CACNA1D: variants seen among roughly 807,000 people sequenced by gnomAD.
The protein encoded by CACNA1D is calcium voltage-gated channel subunit alpha1 D.
CACNA1D carries 55 observed loss-of-function variants against 257.1 expected under a neutral mutation model. That is an observed-to-expected ratio of 0.21 (90% confidence interval 0.17 to 0.27). The LOEUF (loss-of-function observed/expected upper bound fraction) is 0.27. Ranked by LOEUF, CACNA1D falls within the 10% of genes least tolerant of loss-of-function variation. The pLI is 1.00. For missense variants in CACNA1D, 1,876 were observed against 2,784.0 expected (o/e 0.67, Z 7.34); for synonymous variants, 980 against 1,014.9 (o/e 0.97, Z 0.65).
intron 3 of CACNA1D, among the ~76,000 whole-genome samples, chr3:53,597,525 C>T (rs1239412093): frequency 6.6e-6 from 1 of 152,196 alleles, no homozygotes; most frequent in Non-Finnish European, 1.5e-5. Context: ...TATTTGGATT[C>T]CCCCACTTTA....
At chr3:53,575,228 G>A (rs374166975) in intron 3 of CACNA1D, among the ~76,000 whole-genome samples, 2 of 152,148 alleles carry the variant, frequency 1.3e-5, no homozygotes, top group Admixed American at 6.5e-5. Flanking sequence ...AGGAAGCTGC[G>A]GGAGCTTGGA....
intron 11 of CACNA1D, 70 bp downstream of exon 11, chr3:53,719,851 A>G: frequency 7.4e-7 from 1 of 1,354,078 alleles, no homozygotes; most frequent in Non-Finnish European, 1.1e-6. Context: ...TCTGAATTTT[A>G]CGTAGTATTG....
At chr3:53,809,147 TAAG>T (rs1401305637) in intron 46 of CACNA1D, 2 of 236,676 alleles carry the variant, frequency 8.5e-6, no homozygotes, top group Non-Finnish European at 1.7e-5. Flanking sequence ...TCATTTTCTC[TAAG>T]AAGTGGTTCC....
At chr3:53,512,494 T>C (rs984296719) in intron 3 of CACNA1D, among the ~76,000 whole-genome samples, 3 of 152,110 alleles carry the variant, frequency 2.0e-5, no homozygotes, top group South Asian at 2.1e-4. Context: ...CATGATGAGG[T>C]TGGGATTGGA....
chr3:53,768,222 C>G (rs761851813), intron 30 of CACNA1D, among the ~76,000 whole-genome samples: 3 of 152,204 alleles, frequency 2.0e-5, no homozygotes, highest in Admixed American at 1.3e-4. Flanking sequence ...GAGTGTCTTC[C>G]CTGACCAACA....
intron 3 of CACNA1D, among the ~76,000 whole-genome samples, chr3:53,637,045 T>G (rs1462120995): frequency 6.6e-6 from 1 of 152,232 alleles, no homozygotes; most frequent in Non-Finnish European, 1.5e-5. Context: ...CGCTCTTTTT[T>G]TTTCATTTTA....
intron 3 of CACNA1D, among the ~76,000 whole-genome samples, chr3:53,605,415 G>A (rs746635017): frequency 1.3e-5 from 2 of 152,206 alleles, no homozygotes; most frequent in East Asian, 1.9e-4. Flanking sequence ...GAAGGGACTC[G>A]AACTAATTGA....
intron 4 of CACNA1D, among the ~76,000 whole-genome samples, chr3:53,655,050 T>C (rs941521529): frequency 2.6e-5 from 4 of 152,230 alleles, no homozygotes; most frequent in Admixed American, 6.5e-5. Context: ...CTCCTACTTA[T>C]AAGTGAGAAC....
At chr3:53,712,328 C>A (rs561707432) in intron 9 of CACNA1D, among the ~76,000 whole-genome samples, 1 of 152,336 alleles carries the variant, frequency 6.6e-6, no homozygotes, top group African/African-American at 2.4e-5. Flanking sequence ...CTGCTGGCAC[C>A]AGGTGGGGCA....
Position 53,800,052 on chromosome 3 carries a change from AC to A in CACNA1D, c.4924-195del. On this transcript the variant is annotated intron_variant, in intron 40 of 47. Coordinates refer to ENST00000350061, the MANE Select transcript of CACNA1D (RefSeq NM_001128840.3). The surrounding 1 kb of genome is among the most constrained non-coding windows in gnomAD (Gnocchi z 4.3). ...GCAGGCCTCAGGCATCCTACCTAGGACCTTCTTGACCCTCTGGATGCCTGAC... is the reference window on the plus strand; with the variant it reads ...GCAGGCCTCAGGCATCCTACCTAGGACTTCTTGACCCTCTGGATGCCTGAC... 1 of 683,576 alleles carries A rather than the reference AC, an allele frequency of 1.5e-6. No individual in the cohort carries two copies. The highest frequency in any genetic ancestry group is 2.6e-6 in the Non-Finnish European group (1 of 378,164). 42.3% of individuals were successfully genotyped at this position (683,576 alleles called of 1,614,324 possible).
At chr3:53,754,767 T>C (rs977049779) in intron 29 of CACNA1D, among the ~76,000 whole-genome samples, 1 of 152,250 alleles carries the variant, frequency 6.6e-6, no homozygotes, top group East Asian at 1.9e-4. Context: ...TAGTTATCTC[T>C]GTGTAAGGTA....
At chr3:53,732,619 C>T (rs769681443) in intron 18 of CACNA1D, among the ~76,000 whole-genome samples, 196 bp from the exon 19 acceptor site, 13 of 152,102 alleles carry the variant, frequency 8.5e-5, no homozygotes, top group Non-Finnish European at 1.0e-4. Flanking sequence ...GCTCACCAGA[C>T]GGGGACACTT....
chr3:53,559,648 G>T (rs1169127896), intron 3 of CACNA1D, among the ~76,000 whole-genome samples: 1 of 152,180 alleles, frequency 6.6e-6, no homozygotes, highest in Non-Finnish European at 1.5e-5. Context: ...GAAGGCCACT[G>T]GCATACTTTT....
At chr3:53,505,898 C>T (rs913269733) in intron 3 of CACNA1D, among the ~76,000 whole-genome samples, 2 of 152,242 alleles carry the variant, frequency 1.3e-5, no homozygotes, top group African/African-American at 2.4e-5. Flanking sequence ...AGGAATGCTG[C>T]GGGACAGTCT....
Position 53,800,325 on chromosome 3 carries a change from C to G in CACNA1D, c.5000C>G (p.Pro1667Arg), listed in dbSNP as rs2095529882. 1 of 1,613,656 alleles carries G rather than the reference C, an allele frequency of 6.2e-7. No homozygotes were observed. Among genetic ancestry groups the G allele is most frequent in the African/African-American group, 1.3e-5 (1 of 74,926 alleles). ...AISCDLQDDE[P>R]EETKREEEDD... ...TCGTGTGATTTGCAAGATGACGAGC[C>G]TGAGGAAACAAAACGAGAAGAAGAA... The change falls in exon 41 of 48, where the codon CCT (proline) becomes CGT (arginine). Residue 1667 changes from proline (P) to arginine (R), a missense_variant. By Grantham distance (103) the Pro-to-Arg change is moderately radical. This residue lies in a region of CACNA1D where 160 missense variants were observed against 236.6 expected (regional missense o/e 0.68). Transcript: ENST00000350061. The surrounding 1 kb of genome is among the most constrained non-coding windows in gnomAD (Gnocchi z 4.3).
chr3:53,776,779 G>A (rs757376482), intron 36 of CACNA1D, 49 bp downstream of exon 36: 5 of 1,614,204 alleles, frequency 3.1e-6, no homozygotes, highest in Non-Finnish European at 4.2e-6. Context: ...ATTTTGGAAT[G>A]TCAGCTTTTT....
chr3:53,616,806 T>A lies in CACNA1D; in HGVS notation c.484-33973T>A, dbSNP rs189406986. On this transcript the variant is annotated intron_variant, in intron 3 of 47. Coordinates refer to ENST00000350061, the MANE Select transcript of CACNA1D (RefSeq NM_001128840.3). ...CCTTGCCTTTTTTTCTTTTTTTTTT[T>A]AAATGTGCTCCCTTGGGATCTGGGT... Among the ~76,000 whole-genome samples the A allele has an allele frequency of 8.3e-4, 126 of 152,060 alleles. No individual in the cohort carries two copies. The East Asian group carries it at 0.018, about 21-fold the overall frequency.
intron 29 of CACNA1D, among the ~76,000 whole-genome samples, chr3:53,761,240 T>G (rs2095299903): frequency 6.6e-6 from 1 of 152,164 alleles, no homozygotes; most frequent in African/African-American, 2.4e-5. Context: ...AGAAGGAGCC[T>G]ATTGGCTTCT....
Position 53,747,330 on chromosome 3 carries a change from G to T in CACNA1D, c.3196G>T (p.Asp1066Tyr), listed in dbSNP as rs765855545. 6.2e-7 allele frequency: 1 copy of T among 1,613,918 alleles called. No homozygotes were observed. The highest frequency in any genetic ancestry group is 1.1e-5 in the South Asian group (1 of 91,076). The change falls in exon 26 of 48, where the codon GAT becomes TAT. Residue 1066 changes from aspartate to tyrosine, a missense_variant. Asp to Tyr is a radical substitution (Grantham distance 160). Around this residue, in one of 10 missense-constraint regions of CACNA1D, gnomAD observed 271 missense variants for 425.5 expected, o/e 0.64. Coordinates refer to ENST00000350061, the MANE Select transcript of CACNA1D (RefSeq NM_001128840.3). ...RGLFILYKDGDVDSPVVRERI... is the reference protein window; with the variant it reads ...RGLFILYKDGYVDSPVVRERI... ...ACTTTTCATCCTCTACAAGGATGGG[G>T]ATGTTGACAGTCCTGTGGTCCGTGA... is the stretch of plus-strand genomic sequence containing the variant.
Sources: gnomAD v4.1 joint callset for allele counts (sites outside exome capture counted in the v4.1 genomes callset) on GRCh38, gnomAD v4.1.1 for gene constraint, gnomAD v4.1.1 regional missense constraint, Gnocchi (gnomAD v3.1) non-coding constraint, MANE v1.5 for transcripts, NCBI Gene and HGNC (gene_info 2026-07-23, HGNC 2026-07-21) for gene names.